DBNL: variants seen among roughly 807,000 people sequenced by gnomAD.
The protein encoded by DBNL is drebrin like, also known as drebrin-like protein.
In DBNL, 35 loss-of-function variants were observed where a neutral mutation model predicts 62.2. The ratio of observed to expected loss-of-function variants is 0.56; its 90% CI spans 0.43 to 0.75. The LOEUF is 0.75. Among genes scored for constraint, DBNL ranks in the 30% least tolerant of loss-of-function variants. The pLI is 0.00. For missense variants in DBNL, 495 were observed against 578.4 expected (o/e 0.86, Z 1.48); for synonymous variants, 197 against 218.0 (o/e 0.90, Z 0.85).
intron 4 of DBNL, among the ~76,000 whole-genome samples, chr7:44,053,630 A>C (rs2096130353): frequency 6.6e-6 from 1 of 151,688 alleles, no homozygotes; most frequent in Non-Finnish European, 1.5e-5. Flanking sequence ...AGATTTGGGA[A>C]TGTTTTCAGT....
In DBNL at chr7:44,065,810, A is replaced by C; in HGVS notation, c.*4894A>C. ...CAGCTGGCACCCAGAGCCCAGACTG[A>C]GTGGGGCTGCTGGTCAGGGATGGGC... On this transcript the variant is annotated 3_prime_UTR_variant, in exon 13 of 13. Coordinates refer to ENST00000448521, the MANE Select transcript of DBNL (RefSeq NM_001014436.3). The C allele has an allele frequency of 1.9e-6, 1 of 538,772 alleles. No individual in the cohort carries two copies. Among genetic ancestry groups the C allele is most frequent in the South Asian group, 2.0e-5 (1 of 49,726 alleles). 33.4% of individuals were successfully genotyped at this position (538,772 alleles called of 1,614,324 possible).
Position 44,067,930 on chromosome 7 carries a change from C to T in DBNL, c.*7014C>T, listed in dbSNP as rs1435158111. ...CGGCTTGAAACCTCAAGTGCACCAA[C>T]AGAAAGAGCTCCAGGAAGAATCAGA... On this transcript the variant is annotated 3_prime_UTR_variant, in exon 13 of 13. Coordinates refer to ENST00000448521, the MANE Select transcript of DBNL (RefSeq NM_001014436.3). 2 of 152,222 alleles carry T rather than the reference C, an allele frequency of 1.3e-5. No individual in the cohort carries two copies. Among genetic ancestry groups the T allele is most frequent in the East Asian group, 3.8e-4 (2 of 5,202 alleles). 9.4% of individuals were successfully genotyped at this position (152,222 alleles called of 1,614,324 possible). A position where few individuals can be genotyped will look rare whatever the true frequency, so the allele number is the denominator to read the frequency against.
Position 44,060,068 on chromosome 7 carries a change from C to T in DBNL, c.1068C>T (p.Gly356=), listed in dbSNP as rs775779923. Residue 356 remains glycine, a synonymous_variant, in exon 12 of 13, where the codon GGC becomes GGT. Coordinates refer to ENST00000448521, the MANE Select transcript of DBNL (RefSeq NM_001014436.3). This position sits in a 1 kb window ranked among gnomAD's most constrained non-coding sequence, Gnocchi z 6.3. ...QPPLVQQQGA[G]SEHIDHHIQG... Reference sequence around the variant, plus strand: ...GGCAGGTGCAGCAGCAAGGTGCTGGCTCTGAGCACATTGACCACCACATTC... The same window carrying T: ...GGCAGGTGCAGCAGCAAGGTGCTGGTTCTGAGCACATTGACCACCACATTC... 5.6e-6 allele frequency: 9 copies of T among 1,613,658 alleles called. No homozygotes were observed. The East Asian group carries it at 1.8e-4, about 32-fold the overall frequency.
chr7:44,064,808 C>A lies in DBNL; in HGVS notation c.*3892C>A. The A allele has an allele frequency of 6.4e-7, 1 of 1,553,288 alleles. No homozygotes were observed. The highest frequency in any genetic ancestry group is 1.2e-5 in the South Asian group (1 of 86,582). On this transcript the variant is annotated 3_prime_UTR_variant, in exon 13 of 13. Coordinates refer to ENST00000448521, the MANE Select transcript of DBNL (RefSeq NM_001014436.3). ...TGGGGCTGCTGCCCACCCACCCTGCCCAGGCTCCTGAAGGTGGCCTCACCT... is the reference window on the plus strand; with the variant it reads ...TGGGGCTGCTGCCCACCCACCCTGCACAGGCTCCTGAAGGTGGCCTCACCT...
rs954764239 is a variant in DBNL, at chr7:44,060,203, G to A, written c.1153+50G>A. 20 of 1,525,400 alleles carry A rather than the reference G, an allele frequency of 1.3e-5. No individual in the cohort carries two copies. The highest frequency in any genetic ancestry group is 4.1e-5 in the African/African-American group (3 of 73,138). 94.5% of individuals were successfully genotyped at this position (1,525,400 alleles called of 1,614,324 possible). ...ACAGACCACAGGGTCCTGAGGTTAG[G>A]AGACAAGAGGGTCTGGGGTTTTATG... On this transcript the variant is annotated intron_variant, in intron 12 of 12. Transcript: ENST00000448521. This position sits in a 1 kb window ranked among gnomAD's most constrained non-coding sequence, Gnocchi z 6.3.
intron 4 of DBNL, 157 bp from the exon 5 acceptor site, chr7:44,056,600 T>A (rs2096136806): frequency 3.8e-6 from 4 of 1,065,396 alleles, no homozygotes; most frequent in East Asian, 2.6e-5. Flanking sequence ...TGAGGGGAAC[T>A]CGTGCCTCAG....
At chr7:44,053,786 T>C (rs917437234) in intron 4 of DBNL, among the ~76,000 whole-genome samples, 4 of 151,836 alleles carry the variant, frequency 2.6e-5, no homozygotes, top group African/African-American at 7.3e-5. Flanking sequence ...ACACCATTCT[T>C]CTGCCTCAGC....
rs372452057 is a variant in DBNL, at chr7:44,064,916, T to G, written c.*4000T>G. On this transcript the variant is annotated 3_prime_UTR_variant, in exon 13 of 13. Coordinates refer to ENST00000448521, the MANE Select transcript of DBNL (RefSeq NM_001014436.3). ...TTGCCGGCCTTGATCTGGGGAACAA[T>G]CTCCTCGTTCCAGAAGGGCAGGGCC... The G allele has an allele frequency of 3.0e-5, 48 of 1,609,168 alleles. No homozygotes were observed. The highest frequency in any genetic ancestry group is 2.2e-4 in the Admixed American group (13 of 59,780).
Position 44,058,500 on chromosome 7 carries a change from C to A in DBNL, c.753+20C>A. On this transcript the variant is annotated intron_variant, in intron 8 of 12. Coordinates refer to ENST00000448521, the MANE Select transcript of DBNL (RefSeq NM_001014436.3). The stretch of plus-strand genomic sequence containing the variant: ...GAGCAGGTAAGATGGGGGTGCTCTA[C>A]TTGTTTGGACCTGTCCTGGCCACAC... 1.2e-6 allele frequency: 2 copies of A among 1,613,628 alleles called. No homozygotes were observed. Among genetic ancestry groups the A allele is most frequent in the Non-Finnish European group, 1.7e-6 (2 of 1,179,798 alleles).
rs761778298 is a variant in DBNL, at chr7:44,060,083, C to T, written c.1083C>T (p.Asp361=). 13 of 1,613,746 alleles carry T rather than the reference C, an allele frequency of 8.1e-6. No homozygotes were observed. Among genetic ancestry groups the T allele is most frequent in the Admixed American group, 3.3e-5 (2 of 60,012 alleles). The part of the protein sequence containing the change: ...QQQGAGSEHI[D]HHIQGQGLSG... ...AAGGTGCTGGCTCTGAGCACATTGA[C>T]CACCACATTCAGGGCCAGGGGCTCA... The change falls in exon 12 of 13, where the codon GAC becomes GAT. Residue 361 remains aspartate, a synonymous_variant. Transcript: ENST00000448521. This position sits in a 1 kb window ranked among gnomAD's most constrained non-coding sequence, Gnocchi z 6.3.
chr7:44,059,182 C>T lies in DBNL; in HGVS notation c.836-172C>T, dbSNP rs1424543263. ...TTGGCCTCCAAAAGATATTGGGCTGCGCTGTCTACCACGTCACCACATAGC... is the reference window on the plus strand; with the variant it reads ...TTGGCCTCCAAAAGATATTGGGCTGTGCTGTCTACCACGTCACCACATAGC... On this transcript the variant is annotated intron_variant, in intron 9 of 12. Coordinates refer to ENST00000448521, the MANE Select transcript of DBNL (RefSeq NM_001014436.3). This position sits in a 1 kb window ranked among gnomAD's most constrained non-coding sequence, Gnocchi z 4.1. Among the ~76,000 whole-genome samples the T allele has an allele frequency of 6.6e-6, 1 of 152,194 alleles. No individual in the cohort carries two copies. Among genetic ancestry groups the T allele is most frequent in the Non-Finnish European group, 1.5e-5 (1 of 68,028 alleles).
At chr7:44,058,722 C>G (rs2096141907) in intron 8 of DBNL, 180 bp from the exon 9 acceptor site, 2 of 847,558 alleles carry the variant, frequency 2.4e-6, no homozygotes, top group Admixed American at 2.8e-5. Context: ...CTGTGTTTTA[C>G]TTCCTTTTTT....
rs1357423292 is a variant in DBNL at position 44,059,527 on chromosome 7, G to C, written c.932-16G>C. On this transcript the variant is annotated splice_polypyrimidine_tract_variant and intron_variant, in intron 10 of 12. Coordinates refer to ENST00000448521, the MANE Select transcript of DBNL (RefSeq NM_001014436.3). The surrounding 1 kb of genome is among the most constrained non-coding windows in gnomAD (Gnocchi z 4.1). ...GGATGTGTGGGAGTGAGAACCTGCT[G>C]TGTTCCCTGGTGCAGATCTCCCTGC... The C allele has an allele frequency of 6.2e-7, 1 of 1,613,540 alleles. No individual in the cohort carries two copies.
chr7:44,062,830 GAAC>G lies in DBNL; in HGVS notation c.*1915_*1917del. ...TCCGCACCGTTTCCTCATCACCCAG[GAAC>G]TGCATGGGCTTGGTGGGCTTCAGCT... On this transcript the variant is annotated 3_prime_UTR_variant, in exon 13 of 13. Coordinates refer to ENST00000448521, the MANE Select transcript of DBNL (RefSeq NM_001014436.3). 1 of 1,614,210 alleles carries G rather than the reference GAAC, an allele frequency of 6.2e-7. No individual in the cohort carries two copies. Among genetic ancestry groups the G allele is most frequent in the Non-Finnish European group, 8.5e-7 (1 of 1,180,030 alleles).
chr7:44,053,359 A>G (rs1400134219), intron 4 of DBNL, among the ~76,000 whole-genome samples: 1 of 152,230 alleles, frequency 6.6e-6, no homozygotes, highest in Non-Finnish European at 1.5e-5. Context: ...ACATGGAGTT[A>G]TGTCAGTCCT....
rs775601879 is a variant in DBNL at position 44,059,562 on chromosome 7, G to A, written c.951G>A (p.Pro317=). ...GTGCAGATCTCCCTGCTGAGGAGCCGGCGCCCAGCACTCCTCCATGTCTGG... is the reference window on the plus strand; with the variant it reads ...GTGCAGATCTCCCTGCTGAGGAGCCAGCGCCCAGCACTCCTCCATGTCTGG... The part of the protein sequence containing the change: ...RPRADLPAEE[P]APSTPPCLVQ... The change falls in exon 11 of 13, where the codon CCG becomes CCA. Residue 317 remains proline (P), a synonymous_variant. Coordinates refer to ENST00000448521, the MANE Select transcript of DBNL (RefSeq NM_001014436.3). This position sits in a 1 kb window ranked among gnomAD's most constrained non-coding sequence, Gnocchi z 4.1. 33 of 1,612,552 alleles carry A rather than the reference G, an allele frequency of 2.0e-5. No individual in the cohort carries two copies. The highest frequency in any genetic ancestry group is 1.8e-4 in the Middle Eastern group (1 of 5,530).
Position 44,060,781 on chromosome 7 carries a change from C to T in DBNL, c.1158C>T (p.Asp386=), listed in dbSNP as rs752238541. The T allele has an allele frequency of 1.1e-5, 18 of 1,613,444 alleles. No individual in the cohort carries two copies. The highest frequency in any genetic ancestry group is 4.0e-5 in the African/African-American group (3 of 74,864). The change falls in exon 13 of 13, where the codon GAC becomes GAT. Residue 386 remains aspartate (D), a synonymous_variant. Transcript: ENST00000448521. This position sits in a 1 kb window ranked among gnomAD's most constrained non-coding sequence, Gnocchi z 6.3. ...CTGGGCTCATCCTCTTTGCAGCCGA[C>T]GACACAGAGATCTCCTTTGACCCCG... ...ARALYDYQAA[D]DTEISFDPEN...
rs2096144891 is a variant in DBNL, at chr7:44,059,800, CAG to C, written c.1047+143_1047+144del. On this transcript the variant is annotated intron_variant, in intron 11 of 12. Transcript: ENST00000448521. The surrounding 1 kb of genome is among the most constrained non-coding windows in gnomAD (Gnocchi z 4.1). ...GGAGCAGCCCTGTGTTATAAATTGT[CAG>C]GGCACGCCCCACTCTATAGGAGGTG... is the stretch of plus-strand genomic sequence containing the variant. 6 of 901,146 alleles carry C rather than the reference CAG, an allele frequency of 6.7e-6. No homozygotes were observed. The Admixed American group carries it at 1.5e-4, about 23-fold the overall frequency. 55.8% of individuals were successfully genotyped at this position (901,146 alleles called of 1,614,324 possible).
rs778160518 is a variant in DBNL at position 44,060,039 on chromosome 7, C to T, written c.1048-9C>T. 1.2e-6 allele frequency: 2 copies of T among 1,612,032 alleles called. No individual in the cohort carries two copies. The highest frequency in any genetic ancestry group is 1.1e-5 in the South Asian group (1 of 90,950). On this transcript the variant is annotated splice_polypyrimidine_tract_variant and intron_variant, in intron 11 of 12. Transcript: ENST00000448521. The surrounding 1 kb of genome is among the most constrained non-coding windows in gnomAD (Gnocchi z 6.3). ...AGTCTGGGGTAACACCTTTGTCATC[C>T]CTGGGCAGGTGCAGCAGCAAGGTGC... is the stretch of plus-strand genomic sequence containing the variant.
Sources: gnomAD v4.1 joint callset for allele counts (sites outside exome capture counted in the v4.1 genomes callset) on GRCh38, gnomAD v4.1.1 for gene constraint, Gnocchi (gnomAD v3.1) non-coding constraint, MANE v1.5 for transcripts, NCBI Gene and HGNC (gene_info 2026-07-23, HGNC 2026-07-21) for gene names.